PDE3A: variants seen among roughly 807,000 people sequenced by gnomAD.
PDE3A encodes the protein cGMP-inhibited 3',5'-cyclic phosphodiesterase 3A.
A neutral mutation model predicts 98.3 loss-of-function variants in PDE3A; 43 were observed. The observed-to-expected ratio is 0.44, with a 90% CI of 0.34 to 0.56. The LOEUF is 0.56. Among genes scored for constraint, PDE3A ranks in the 20% least tolerant of loss-of-function variants. The pLI is 0.01. For synonymous variants in PDE3A, 663 were observed against 567.9 expected (o/e 1.17, Z -2.38); for missense variants, 1,427 against 1,440.7 (o/e 0.99, Z 0.15).
chr12:20,460,954 A>C lies in PDE3A; in HGVS notation c.960+90710A>C, dbSNP rs564782774. ...CATTCTTGATAAAATATAACTTTTTACCTGAGTAATGCATACCTAGTATAA... is the reference window on the plus strand; with the variant it reads ...CATTCTTGATAAAATATAACTTTTTCCCTGAGTAATGCATACCTAGTATAA... On this transcript the variant is annotated intron_variant, in intron 1 of 15. Transcript: ENST00000359062. Among the ~76,000 whole-genome samples the C allele has an allele frequency of 7.2e-5, 11 of 152,306 alleles. No homozygotes were observed. The South Asian group carries it at 2.3e-3, about 32-fold the overall frequency.
intron 1 of PDE3A, among the ~76,000 whole-genome samples, chr12:20,405,634 A>T (rs539788629): frequency 1.3e-5 from 2 of 152,326 alleles, no homozygotes; most frequent in East Asian, 3.9e-4. Context: ...ATATTCACAG[A>T]ATACAATGTG....
At chr12:20,580,758 T>C (rs1943042729) in intron 2 of PDE3A, among the ~76,000 whole-genome samples, 2 of 152,204 alleles carry the variant, frequency 1.3e-5, no homozygotes, top group Non-Finnish European at 2.9e-5. Flanking sequence ...GGAATAAATG[T>C]ACAGCCTAGT....
intron 1 of PDE3A, among the ~76,000 whole-genome samples, chr12:20,529,713 G>T (rs891273652): frequency 1.3e-5 from 2 of 152,098 alleles, no homozygotes; most frequent in Admixed American, 1.3e-4. Flanking sequence ...GCATAGGCCT[G>T]TTGACATCTA....
chr12:20,681,321 G>A lies in PDE3A; in HGVS notation c.*1050G>A, dbSNP rs1945777860. 1 of 152,218 alleles carries A rather than the reference G, an allele frequency of 6.6e-6. No homozygotes were observed. The highest frequency in any genetic ancestry group is 2.1e-4 in the South Asian group (1 of 4,828). 9.4% of individuals were successfully genotyped at this position (152,218 alleles called of 1,614,324 possible). On this transcript the variant is annotated 3_prime_UTR_variant, in exon 16 of 16. Transcript: ENST00000359062. Reference sequence around the variant, plus strand: ...TATACCTAAACACCTAAGAGCTGAAGTCAGGTCTTTTAATCAGGTTAGAAT... The same window carrying A: ...TATACCTAAACACCTAAGAGCTGAAATCAGGTCTTTTAATCAGGTTAGAAT...
chr12:20,611,007 T>C (rs1273782448), intron 2 of PDE3A, among the ~76,000 whole-genome samples: 1 of 151,874 alleles, frequency 6.6e-6, no homozygotes, highest in Non-Finnish European at 1.5e-5. Flanking sequence ...CGAAATTGTA[T>C]TGTATTACAG....
chr12:20,532,118 A>G lies in PDE3A; in HGVS notation c.961-24542A>G, dbSNP rs1298859659. 2.6e-5 allele frequency among the ~76,000 whole-genome samples: 4 copies of G among 152,208 alleles called. No homozygotes were observed. The Middle Eastern group carries it at 0.014, about 518-fold the overall frequency. ...TTATTTAGTTTGTGCTTATTTACTA[A>G]TATGTTCTCTGAATGCAAAGTAAGT... On this transcript the variant is annotated intron_variant, in intron 1 of 15. Transcript: ENST00000359062.
intron 1 of PDE3A, among the ~76,000 whole-genome samples, chr12:20,407,728 A>C (rs1476626580): frequency 2.0e-5 from 3 of 152,090 alleles, no homozygotes; most frequent in African/African-American, 4.8e-5. Context: ...TAAACTTATA[A>C]ATTTTTTTAA....
chr12:20,638,531 C>T (rs574550282), intron 9 of PDE3A, among the ~76,000 whole-genome samples: 29 of 152,212 alleles, frequency 1.9e-4, no homozygotes, highest in Admixed American at 5.2e-4. Context: ...CTTACACTAG[C>T]TGATCTTCAG....
At chr12:20,639,091 T>A (rs1032987311) in intron 9 of PDE3A, among the ~76,000 whole-genome samples, 1 of 152,044 alleles carries the variant, frequency 6.6e-6, no homozygotes, top group East Asian at 1.9e-4. Context: ...AGTAGAAAAG[T>A]GGTTATGATA....
chr12:20,611,016 A>G (rs1943835775), intron 2 of PDE3A, among the ~76,000 whole-genome samples: 1 of 151,904 alleles, frequency 6.6e-6, no homozygotes, highest in Admixed American at 6.6e-5. Flanking sequence ...ATTGTATTAC[A>G]GATTTTTGTT....
Position 20,616,345 on chromosome 12 carries a change from G to A in PDE3A, c.1385G>A (p.Arg462His), listed in dbSNP as rs760825164. The stretch of plus-strand genomic sequence containing the variant: ...GAGCCTGCACCAGTACGGAGAGACC[G>A]CAGCACCAGCATCAAACTGCAGGAA... Reference protein sequence around the residue: ...TLEPAPVRRDRSTSIKLQEAP... With the variant: ...TLEPAPVRRDHSTSIKLQEAP... Residue 462 changes from arginine (R) to histidine (H), a missense_variant, in exon 4 of 16, where the codon CGC becomes CAC. Arg to His is a conservative substitution (Grantham distance 29). This residue lies in a region of PDE3A where 1,012 missense variants were observed against 886.5 expected (regional missense o/e 1.14). Coordinates refer to ENST00000359062, the MANE Select transcript of PDE3A (RefSeq NM_000921.5). The A allele has an allele frequency of 2.6e-5, 42 of 1,613,398 alleles. No individual in the cohort carries two copies. Among genetic ancestry groups the A allele is most frequent in the Middle Eastern group, 1.6e-4 (1 of 6,074 alleles).
At chr12:20,422,326 A>G (rs1944532285) in intron 1 of PDE3A, among the ~76,000 whole-genome samples, 1 of 152,050 alleles carries the variant, frequency 6.6e-6, no homozygotes, top group Admixed American at 6.5e-5. Context: ...CCTGGGCAAC[A>G]GAGCGAGACT....
intron 15 of PDE3A, among the ~76,000 whole-genome samples, chr12:20,678,899 G>T (rs1945702171): frequency 6.6e-6 from 1 of 152,116 alleles, no homozygotes; most frequent in Non-Finnish European, 1.5e-5. Context: ...CATAATTGAA[G>T]GAAGGGGGAA....
intron 1 of PDE3A, among the ~76,000 whole-genome samples, chr12:20,538,477 A>G (rs576210586): frequency 6.6e-6 from 1 of 152,288 alleles, no homozygotes; most frequent in South Asian, 2.1e-4. Flanking sequence ...ACTGTGTTCC[A>G]TGATCTCCTG....
At chr12:20,422,440 G>A (rs866228354) in intron 1 of PDE3A, among the ~76,000 whole-genome samples, 2 of 152,084 alleles carry the variant, frequency 1.3e-5, no homozygotes, top group Admixed American at 6.5e-5. Context: ...ATTACAAATG[G>A]GTATCAGAAG....
intron 5 of PDE3A, among the ~76,000 whole-genome samples, chr12:20,623,513 A>G (rs542995170): frequency 2.6e-5 from 4 of 152,232 alleles, no homozygotes; most frequent in African/African-American, 9.6e-5. Flanking sequence ...CTGAAACAAT[A>G]TGGTAACCTA....
intron 10 of PDE3A, among the ~76,000 whole-genome samples, chr12:20,643,100 A>G (rs1944682883): frequency 6.6e-6 from 1 of 152,088 alleles, no homozygotes; most frequent in African/African-American, 2.4e-5. Context: ...ACCATGTGCT[A>G]GTGTATGCAT....
At chr12:20,405,981 G>A (rs1944225899) in intron 1 of PDE3A, among the ~76,000 whole-genome samples, 1 of 152,056 alleles carries the variant, frequency 6.6e-6, no homozygotes, top group Non-Finnish European at 1.5e-5. Context: ...GAGATCATGT[G>A]GTATGGCTTA....
intron 15 of PDE3A, among the ~76,000 whole-genome samples, chr12:20,671,284 G>C (rs1482751001): frequency 2.0e-5 from 3 of 150,300 alleles, no homozygotes; most frequent in African/African-American, 7.4e-5. Flanking sequence ...GGAGGAACTG[G>C]TACCATTCCT....
Sources: allele counts gnomAD v4.1 joint callset (sites outside exome capture counted in the v4.1 genomes callset), GRCh38; gene constraint gnomAD v4.1.1; regional missense constraint gnomAD v4.1.1; transcripts MANE v1.5; gene names NCBI Gene and HGNC (gene_info 2026-07-23, HGNC 2026-07-21).